NTM: variants seen among roughly 807,000 people sequenced by gnomAD.
The protein encoded by NTM is IgLON family member 2.
Under a neutral mutation model 42.1 loss-of-function variants are expected in NTM, and 13 were observed. The observed-to-expected ratio is 0.31, with a 90% CI of 0.20 to 0.49. The LOEUF (loss-of-function observed/expected upper bound fraction) is 0.49, where lower values mean the gene tolerates loss of function less well. Among genes scored for constraint, NTM ranks in the 20% least tolerant of loss-of-function variants. The probability of loss-of-function intolerance (pLI) is 0.99; values close to 1 mark genes in which losing one functional copy is unlikely to be tolerated. For synonymous variants in NTM, 187 were observed against 179.2 expected, an observed-to-expected ratio of 1.04 and a Z score of -0.35; for missense variants, 373 against 452.8, an observed-to-expected ratio of 0.82 and a Z score of 1.60.
At position 132,065,526 on chromosome 11, in the gene NTM, T is replaced by C. The variant is rs146888679; in HGVS notation, c.168-80756T>C. Among the ~76,000 whole-genome samples the C allele has an allele frequency of 3.3e-3, 500 of 152,314 alleles. 4 individuals are homozygous for C. The highest frequency in any genetic ancestry group is 0.011 in the African/African-American group (474 of 41,562). ...ATATCTTTCTACCACTAGATAATGA[T>C]GTTTAGAAGACAGATCTAGGTTACA... On this transcript the variant is annotated intron_variant, in intron 2 of 8. Transcript: ENST00000683400.
intron 1 of NTM, among the ~76,000 whole-genome samples, chr11:131,813,870 T>A (rs1486519239): frequency 6.6e-6 from 1 of 151,576 alleles, no homozygotes; most frequent in African/African-American, 2.4e-5. Flanking sequence ...CTTGGGGGAG[T>A]CCCTTCAACC....
intron 1 of NTM, among the ~76,000 whole-genome samples, chr11:131,503,673 C>T (rs914625955): frequency 6.9e-6 from 1 of 144,514 alleles, no homozygotes; most frequent in African/African-American, 2.5e-5. Flanking sequence ...CAGGCACACT[C>T]CACTATGCCT....
intron 1 of NTM, among the ~76,000 whole-genome samples, chr11:131,636,623 C>T (rs193180805): frequency 1.7e-3 from 264 of 152,308 alleles, no homozygotes; most frequent in Non-Finnish European, 2.7e-3. Context: ...CCCCTGCAGA[C>T]GCAGCGGCTG....
intron 4 of NTM, among the ~76,000 whole-genome samples, chr11:132,237,141 G>A (rs920062412): frequency 3.3e-5 from 5 of 152,214 alleles, no homozygotes; most frequent in Non-Finnish European, 7.3e-5. Context: ...CTGTTTTGGA[G>A]CCATTTGCTC....
intron 2 of NTM, among the ~76,000 whole-genome samples, chr11:131,933,914 A>G (rs964973952): frequency 1.4e-5 from 2 of 143,910 alleles, no homozygotes; most frequent in Admixed American, 1.3e-4. Flanking sequence ...AGTGCCCTAC[A>G]TATTACCTCC....
At chr11:131,710,863 T>C (rs1209763439) in intron 1 of NTM, among the ~76,000 whole-genome samples, 1 of 152,134 alleles carries the variant, frequency 6.6e-6, no homozygotes. Context: ...CATGCCACCC[T>C]GCAAACAAAT....
At chr11:132,073,890 G>T (rs1470349041) in intron 2 of NTM, among the ~76,000 whole-genome samples, 1 of 152,148 alleles carries the variant, frequency 6.6e-6, no homozygotes, top group East Asian at 1.9e-4. Flanking sequence ...GTCAACACAT[G>T]CACATGCTTT....
intron 1 of NTM, among the ~76,000 whole-genome samples, chr11:131,880,801 C>CTT (rs113951279): frequency 2.0e-5 from 3 of 147,570 alleles, no homozygotes; most frequent in African/African-American, 7.4e-5. Flanking sequence ...AAATCTCACT[C>CTT]TTTTTTTTTT....
chr11:131,618,871 C>A lies in NTM; in HGVS notation c.82+247983C>A, dbSNP rs1436126102. Among the ~76,000 whole-genome samples the A allele has an allele frequency of 8.5e-5, 13 of 152,098 alleles. 1 individual carries two copies. The highest frequency in any genetic ancestry group is 8.5e-4 in the Admixed American group (13 of 15,274). On this transcript the variant is annotated intron_variant, in intron 1 of 8. Transcript: ENST00000683400. ...TGTATCCATCACCAACTATTTACGCCACCAATGCAAGATGGTATTCCTGAA... is the reference window on the plus strand; with the variant it reads ...TGTATCCATCACCAACTATTTACGCAACCAATGCAAGATGGTATTCCTGAA...
chr11:131,762,631 G>C (rs1368931697), intron 1 of NTM, among the ~76,000 whole-genome samples: 1 of 152,212 alleles, frequency 6.6e-6, no homozygotes, highest in African/African-American at 2.4e-5. Context: ...GGCCTCTCCT[G>C]AGGCCGTCCT....
At chr11:131,981,116 A>T (rs187203150) in intron 2 of NTM, 16 of 152,352 alleles carry the variant, frequency 1.1e-4, no homozygotes, top group Non-Finnish European at 2.2e-4. Context: ...GATTTGGCAC[A>T]TAGCAGGTAT....
intron 4 of NTM, among the ~76,000 whole-genome samples, chr11:132,216,146 A>G (rs1462281999): frequency 1.3e-5 from 2 of 152,220 alleles, no homozygotes; most frequent in African/African-American, 4.8e-5. Context: ...AAAAACGTTC[A>G]TGCTGTCTGG....
chr11:132,271,095 T>A (rs1292573373), intron 4 of NTM, among the ~76,000 whole-genome samples: 1 of 152,188 alleles, frequency 6.6e-6, no homozygotes, highest in African/African-American at 2.4e-5. Flanking sequence ...TTACCTTCCC[T>A]AAGGCCAGGC....
intron 1 of NTM, among the ~76,000 whole-genome samples, chr11:131,786,870 A>G (rs1020829600): frequency 3.9e-5 from 6 of 152,188 alleles, no homozygotes; most frequent in Non-Finnish European, 7.3e-5. Context: ...TGAGCTAAAC[A>G]CTAGTTTAAT....
At chr11:131,492,032 G>C (rs1186123862) in intron 1 of NTM, among the ~76,000 whole-genome samples, 1 of 152,220 alleles carries the variant, frequency 6.6e-6, no homozygotes, top group African/African-American at 2.4e-5. Flanking sequence ...GAAATGGAAA[G>C]AAGGCATGGA....
intron 3 of NTM, among the ~76,000 whole-genome samples, chr11:132,177,564 A>T (rs1312146902): frequency 1.3e-5 from 2 of 152,240 alleles, no homozygotes; most frequent in Non-Finnish European, 2.9e-5. Flanking sequence ...AAATCAGATG[A>T]AATACATAAC....
At chr11:132,306,605 A>T (rs1272555943) in intron 4 of NTM, 1 of 152,172 alleles carries the variant, frequency 6.6e-6, no homozygotes, top group East Asian at 1.9e-4. Flanking sequence ...TATGTATATT[A>T]TGTTTGGGAA....
At chr11:132,173,627 G>C (rs548722931) in intron 3 of NTM, among the ~76,000 whole-genome samples, 1 of 152,310 alleles carries the variant, frequency 6.6e-6, no homozygotes, top group South Asian at 2.1e-4. Flanking sequence ...CATCCAGCTT[G>C]ATCAAGCAGT....
At chr11:131,609,365 G>A (rs2077038508) in intron 1 of NTM, among the ~76,000 whole-genome samples, 1 of 152,224 alleles carries the variant, frequency 6.6e-6, no homozygotes, top group African/African-American at 2.4e-5. Flanking sequence ...TATTATTAAA[G>A]TCATTTAAAC....
Sources: gnomAD v4.1 joint callset for allele counts (sites outside exome capture counted in the v4.1 genomes callset) on GRCh38, gnomAD v4.1.1 for gene constraint, MANE v1.5 for transcripts, NCBI Gene and HGNC (gene_info 2026-07-23, HGNC 2026-07-21) for gene names.